Variants in DSPP observed in about 807,000 individuals in gnomAD.
The protein encoded by DSPP is dentin sialophosphoprotein.
In DSPP, 28 loss-of-function variants were observed where a neutral mutation model predicts 29.1. The observed-to-expected ratio is 0.96, with a 90% CI of 0.71 to 1.32. The LOEUF (loss-of-function observed/expected upper bound fraction) is 1.32. DSPP is among the 40% of genes most tolerant of loss of function. DSPP has a pLI of 0.00. For missense variants in DSPP, 1,281 were observed against 1,629.9 expected (o/e 0.79, Z 3.69); for synonymous variants, 481 against 503.4 (o/e 0.96, Z 0.60).
Position 87,615,383 on chromosome 4 carries a change from T to G in DSPP, c.2721T>G (p.Asp907Glu), listed in dbSNP as rs376565023. The G allele has an allele frequency of 1.3e-6, 2 of 1,507,544 alleles. No homozygotes were observed. Among genetic ancestry groups the G allele is most frequent in the Admixed American group, 2.1e-5 (1 of 47,370 alleles). The allele number at this position is 1,507,544 out of a possible 1,614,324, so 93.4% of individuals were successfully genotyped here. Residue 907 changes from aspartate to glutamate, a missense_variant, in exon 5 of 5, where the codon GAT (aspartate) becomes GAG (glutamate). By Grantham distance (45) the Asp-to-Glu change is conservative (BLOSUM62 2). Around this residue, in one of 4 missense-constraint regions of DSPP, gnomAD observed 444 missense variants for 611.4 expected, o/e 0.73. Coordinates refer to ENST00000651931, the MANE Select transcript of DSPP (RefSeq NM_014208.3). ...ACAGCAGTGATAGTGACAGCAGTGA[T>G]AGCAGCAACAGCAGTGACAGCAGTG... is the stretch of plus-strand genomic sequence containing the variant. ...SSNSSDSDSSDSSNSSDSSDS... is the reference protein window; with the variant it reads ...SSNSSDSDSSESSNSSDSSDS...
At position 87,615,659 on chromosome 4, in the gene DSPP, T is replaced by G; in HGVS notation, c.2997T>G (p.Asp999Glu). The stretch of plus-strand genomic sequence containing the variant: ...GCAGTGACAGCAGTGACAGCAGTGA[T>G]AGCAGCAACAGCAGTGATAGCAGTG... Reference protein sequence around the residue: ...SDSSDSSDSSDSSNSSDSSDS... With the variant: ...SDSSDSSDSSESSNSSDSSDS... Residue 999 changes from aspartate to glutamate, a missense_variant, in exon 5 of 5, where the codon GAT (aspartate) becomes GAG (glutamate). Asp to Glu is a conservative substitution (Grantham distance 45, BLOSUM62 2). Around this residue, in one of 4 missense-constraint regions of DSPP, gnomAD observed 444 missense variants for 611.4 expected, o/e 0.73. Transcript: ENST00000651931. The G allele has an allele frequency of 6.6e-7, 1 of 1,519,774 alleles. No individual in the cohort carries two copies. The highest frequency in any genetic ancestry group is 8.8e-7 in the Non-Finnish European group (1 of 1,132,340). The allele number at this position is 1,519,774 out of a possible 1,614,324, so 94.1% of individuals were successfully genotyped here.
intron 4 of DSPP, 70 bp downstream of exon 4, chr4:87,613,378 CA>C: frequency 6.5e-7 from 1 of 1,539,368 alleles, no homozygotes; most frequent in Non-Finnish European, 9.0e-7. Flanking sequence ...GATGCTAGCA[CA>C]AAAATAAACC....
rs1022145598 is a variant in DSPP, at chr4:87,616,693, T to A, written c.*125T>A. The A allele has an allele frequency of 6.1e-6, 9 of 1,473,746 alleles. No homozygotes were observed. The Admixed American group carries it at 1.8e-4, about 30-fold the overall frequency. 91.3% of individuals were successfully genotyped at this position (1,473,746 alleles called of 1,614,324 possible). Reference sequence around the variant, plus strand: ...TAAGACGTATGTAAACAAAAACAACTGGGGGAATCAAATCAAACAGTTGGA... The same window carrying A: ...TAAGACGTATGTAAACAAAAACAACAGGGGGAATCAAATCAAACAGTTGGA... On this transcript the variant is annotated 3_prime_UTR_variant, in exon 5 of 5. Transcript: ENST00000651931.
chr4:87,613,667 T>C, intron 4 of DSPP, 118 bp from the exon 5 acceptor site: 2 of 1,390,942 alleles, frequency 1.4e-6, no homozygotes, highest in Non-Finnish European at 1.0e-6. Context: ...AACTGTGAAG[T>C]ACTAGAAATG....
chr4:87,610,857 T>G (rs1727719589), intron 1 of DSPP, 24 bp from the exon 2 acceptor site: 1 of 1,472,798 alleles, frequency 6.8e-7, no homozygotes, highest in South Asian at 1.1e-5. Flanking sequence ...ATAAGTAATT[T>G]TGTGCTGTTC....
chr4:87,615,505 G>C lies in DSPP; in HGVS notation c.2843G>C (p.Ser948Thr). Residue 948 changes from serine (S) to threonine (T), a missense_variant, in exon 5 of 5, where the codon AGT becomes ACT. This residue lies in a region of DSPP where 444 missense variants were observed against 611.4 expected (regional missense o/e 0.73). Transcript: ENST00000651931. ...SSNSSDSSDS[S>T]DSSNSSDSSN... ...AACAGCAGTGACAGCAGTGATAGCA[G>C]TGACAGCAGTAATAGTAGTGACAGC... 1 of 1,543,366 alleles carries C rather than the reference G, an allele frequency of 6.5e-7. No individual in the cohort carries two copies. The highest frequency in any genetic ancestry group is 8.8e-7 in the Non-Finnish European group (1 of 1,141,122).
chr4:87,613,992 G>A lies in DSPP; in HGVS notation c.1330G>A (p.Asp444Asn), dbSNP rs769866391. The change falls in exon 5 of 5, where the codon GAC becomes AAC. Residue 444 changes from aspartate (D) to asparagine (N), a missense_variant. Asp to Asn is a conservative substitution (Grantham distance 23). This residue lies in a region of DSPP where 631 missense variants were observed against 643.2 expected (regional missense o/e 0.98). Transcript: ENST00000651931. ...AGTTGGACACAGCAATACAGGTAGT[G>A]ACAGCAATAGTGATGGATATGACAG... Reference protein sequence around the residue: ...NKVGHSNTGSDSNSDGYDSYD... With the variant: ...NKVGHSNTGSNSNSDGYDSYD... The A allele has an allele frequency of 6.2e-7, 1 of 1,614,192 alleles. No individual in the cohort carries two copies. Among genetic ancestry groups the A allele is most frequent in the Non-Finnish European group, 8.5e-7 (1 of 1,180,028 alleles).
chr4:87,613,032 C>G lies in DSPP; in HGVS notation c.846C>G (p.Gly282=). 6.2e-7 allele frequency: 1 copy of G among 1,613,924 alleles called. No individual in the cohort carries two copies. The highest frequency in any genetic ancestry group is 8.5e-7 in the Non-Finnish European group (1 of 1,179,966). ...DSSNNSKGQE[G]QDHGKEDDHD... ...GTAATAACAGCAAGGGCCAGGAGGGCCAGGACCATGGGAAAGAAGATGATC... is the reference window on the plus strand; with the variant it reads ...GTAATAACAGCAAGGGCCAGGAGGGGCAGGACCATGGGAAAGAAGATGATC... Residue 282 remains glycine (G), a synonymous_variant, in exon 4 of 5, where the codon GGC becomes GGG. Coordinates refer to ENST00000651931, the MANE Select transcript of DSPP (RefSeq NM_014208.3).
rs758282862 is a variant in DSPP, at chr4:87,615,419, C to G, written c.2757C>G (p.Asn919Lys). 11 of 1,536,604 alleles carry G rather than the reference C, an allele frequency of 7.2e-6. No homozygotes were observed. The South Asian group carries it at 1.2e-4, about 17-fold the overall frequency. Reference protein sequence around the residue: ...SNSSDSSDSSNSSDSSESSNS... With the variant: ...SNSSDSSDSSKSSDSSESSNS... ...GCAGTGACAGCAGTGATAGCAGCAA[C>G]AGCAGTGATAGCAGTGAAAGCAGTA... Residue 919 changes from asparagine to lysine, a missense_variant, in exon 5 of 5, where the codon AAC (asparagine) becomes AAG (lysine). Coordinates refer to ENST00000651931, the MANE Select transcript of DSPP (RefSeq NM_014208.3).
chr4:87,608,548 T>C lies in DSPP; in HGVS notation c.-101T>C, dbSNP rs1727678483. 1 of 152,190 alleles carries C rather than the reference T, an allele frequency of 6.6e-6. No individual in the cohort carries two copies. The highest frequency in any genetic ancestry group is 2.4e-5 in the African/African-American group (1 of 41,436). The allele number at this position is 152,190 out of a possible 1,614,324, so 9.4% of individuals were successfully genotyped here. On this transcript the variant is annotated 5_prime_UTR_variant, in exon 1 of 5. Coordinates refer to ENST00000651931, the MANE Select transcript of DSPP (RefSeq NM_014208.3). Reference sequence around the variant, plus strand: ...ATTGTCATGCAAAAGTCCAGGACAGTGGGCCACTTTCAGTCTTCAAAGAGA... The same window carrying C: ...ATTGTCATGCAAAAGTCCAGGACAGCGGGCCACTTTCAGTCTTCAAAGAGA...
rs202040903 is a variant in DSPP, at chr4:87,615,345, A to G, written c.2683A>G (p.Ser895Gly). 1.1e-4 allele frequency: 165 copies of G among 1,525,842 alleles called. No homozygotes were observed. In the African/African-American group the frequency reaches 2.0e-3, roughly 19 times the overall value. 94.5% of individuals were successfully genotyped at this position (1,525,842 alleles called of 1,614,324 possible). The stretch of plus-strand genomic sequence containing the variant: ...CGAAAGCAGCAATAGCAGTGACAGC[A>G]GTGATAGCAGCAACAGCAGTGATAG... Reference protein sequence around the residue: ...SNESSNSSDSSDSSNSSDSDS... With the variant: ...SNESSNSSDSGDSSNSSDSDS... The change falls in exon 5 of 5, where the codon AGT becomes GGT. Residue 895 changes from serine (S) to glycine (G), a missense_variant. This residue lies in a region of DSPP where 444 missense variants were observed against 611.4 expected (regional missense o/e 0.73). Transcript: ENST00000651931.
At chr4:87,611,077 GTATA>G in intron 2 of DSPP, 118 bp downstream of exon 2, 3 of 958,818 alleles carry the variant, frequency 3.1e-6, no homozygotes, top group Non-Finnish European at 3.3e-6. Context: ...GTACATGTGT[GTATA>G]TATGTGTGTG....
At position 87,616,268 on chromosome 4, in the gene DSPP, C is replaced by CGACAGCAGCGACAGCAGT. The variant is rs1274808408; in HGVS notation, c.3608_3609insCAGCAGCGACAGCAGTGA (p.Ser1226_Ser1231dup). ...ACAGCAGCGATAGCAGCGACAGCAG[C>CGACAGCAGCGACAGCAGT]GATAGTAGTGATAGCAGTGACAGCA... is the stretch of plus-strand genomic sequence containing the variant. On this transcript the variant is annotated inframe_insertion, in exon 5 of 5. Transcript: ENST00000651931. The CGACAGCAGCGACAGCAGT allele has an allele frequency of 1.4e-5, 19 of 1,338,822 alleles. No individual in the cohort carries two copies. Among genetic ancestry groups the CGACAGCAGCGACAGCAGT allele is most frequent in the East Asian group, 2.5e-5 (1 of 40,486 alleles). 82.9% of individuals were successfully genotyped at this position (1,338,822 alleles called of 1,614,324 possible).
chr4:87,611,037 G>A, intron 2 of DSPP, 78 bp downstream of exon 2: 1 of 978,940 alleles, frequency 1.0e-6, no homozygotes, highest in African/African-American at 1.8e-5. Flanking sequence ...TGTAGTGTGT[G>A]TGTGTGTGTG....
Position 87,615,013 on chromosome 4 carries a change from A to T in DSPP, c.2351A>T (p.Asp784Val). ...SDSSDSSNSS[D>V]SNDSSNSSDS... ...AGTAGTGACAGCAGCAACAGCAGTG[A>T]TAGCAACGACAGCAGCAATAGCAGT... The change falls in exon 5 of 5, where the codon GAT becomes GTT. Residue 784 changes from aspartate to valine, a missense_variant. By Grantham distance (152) the Asp-to-Val change is radical (BLOSUM62 -3). This residue lies in a region of DSPP where 444 missense variants were observed against 611.4 expected (regional missense o/e 0.73). Transcript: ENST00000651931. The T allele has an allele frequency of 6.4e-7, 1 of 1,550,988 alleles. No homozygotes were observed. The highest frequency in any genetic ancestry group is 8.7e-7 in the Non-Finnish European group (1 of 1,146,744).
At position 87,615,233 on chromosome 4, in the gene DSPP, T is replaced by A; in HGVS notation, c.2571T>A (p.Asn857Lys). The change falls in exon 5 of 5, where the codon AAT becomes AAA. Residue 857 changes from asparagine to lysine, a missense_variant. Coordinates refer to ENST00000651931, the MANE Select transcript of DSPP (RefSeq NM_014208.3). ...SSDGSDSDSSNRSDSSNSSDS... is the reference protein window; with the variant it reads ...SSDGSDSDSSKRSDSSNSSDS... ...ACGGCAGTGATAGCGACAGCAGCAA[T>A]AGAAGTGACAGTAGTAATAGTAGTG... 6.6e-7 allele frequency: 1 copy of A among 1,519,162 alleles called. No homozygotes were observed. Among genetic ancestry groups the A allele is most frequent in the Non-Finnish European group, 8.8e-7 (1 of 1,132,268 alleles). The allele number at this position is 1,519,162 out of a possible 1,614,324, so 94.1% of individuals were successfully genotyped here.
intron 1 of DSPP, among the ~76,000 whole-genome samples, chr4:87,609,353 AGGCTCTTCCAAATCACAGT>A (rs1168908697): frequency 5.9e-5 from 9 of 152,158 alleles, no homozygotes; most frequent in Admixed American, 6.5e-5. Context: ...CAGTATGCTG[AGGCTCTTCCAAATCACAGT>A]GCAGACGGGC....
In DSPP at chr4:87,613,107, T is replaced by C. The variant is rs759606053; in HGVS notation, c.921T>C (p.Pro307=). Reference sequence around the variant, plus strand: ...CAGATAGTAAAGAATATTATGACCCTGAAGGCAAAGAAGATCCCCATAATG... The same window carrying C: ...CAGATAGTAAAGAATATTATGACCCCGAAGGCAAAGAAGATCCCCATAATG... ...QNSDSKEYYD[P]EGKEDPHNEV... The change falls in exon 4 of 5, where the codon CCT becomes CCC. Residue 307 remains proline (P), a synonymous_variant. Coordinates refer to ENST00000651931, the MANE Select transcript of DSPP (RefSeq NM_014208.3). 1 of 1,614,152 alleles carries C rather than the reference T, an allele frequency of 6.2e-7. No individual in the cohort carries two copies. Among genetic ancestry groups the C allele is most frequent in the Non-Finnish European group, 8.5e-7 (1 of 1,180,018 alleles).
intron 1 of DSPP, among the ~76,000 whole-genome samples, chr4:87,610,315 T>A (rs1395231385): frequency 1.3e-5 from 2 of 152,202 alleles, no homozygotes; most frequent in Non-Finnish European, 2.9e-5. Flanking sequence ...TTGTTATTAT[T>A]CCAGGTGGAG....
Sources: gnomAD v4.1 joint callset for allele counts (sites outside exome capture counted in the v4.1 genomes callset) on GRCh38, gnomAD v4.1.1 for gene constraint, gnomAD v4.1.1 regional missense constraint, MANE v1.5 for transcripts, NCBI Gene and HGNC (gene_info 2026-07-23, HGNC 2026-07-21) for gene names.